The following IQCK variants were observed in gnomAD, a reference collection of about 807,000 sequenced individuals.
IQCK encodes the protein IQ motif containing K.
A neutral mutation model predicts 28.1 loss-of-function variants in IQCK; 29 were observed. That is an observed-to-expected ratio of 1.03 (90% CI 0.77 to 1.41). The LOEUF (loss-of-function observed/expected upper bound fraction) is 1.41, where lower values mean the gene tolerates loss of function less well. IQCK is among the 40% of genes most tolerant of loss of function. IQCK has a pLI of 0.00. For missense variants in IQCK, 359 were observed against 314.7 expected (o/e 1.14, Z -1.07); for synonymous variants, 113 against 115.1 (o/e 0.98, Z 0.12).
chr16:19,760,532 C>A (rs2055122448), intron 4 of IQCK, among the ~76,000 whole-genome samples: 1 of 152,174 alleles, frequency 6.6e-6, no homozygotes, highest in African/African-American at 2.4e-5. Flanking sequence ...ATCCCGTTTC[C>A]AATACAGTCA....
rs935652295 is a variant in IQCK at position 19,814,799 on chromosome 16, T to G, written c.691-12227T>G. 5.8e-3 allele frequency among the ~76,000 whole-genome samples: 876 copies of G among 150,464 alleles called. 14 individuals carry two copies. The highest frequency in any genetic ancestry group is 0.02 in the African/African-American group (817 of 40,946). On this transcript the variant is annotated intron_variant, in intron 7 of 7. Coordinates refer to ENST00000564186, the Ensembl canonical transcript of IQCK. ...AATAAAGAGGGTCTTTTTTTTTTTT[T>G]TTTTTTGAGACAGGGTCTCAGTCTG...
chr16:19,807,357 G>A (rs187648716), intron 7 of IQCK, among the ~76,000 whole-genome samples: 97 of 152,350 alleles, frequency 6.4e-4, no homozygotes, highest in African/African-American at 2.1e-3. Context: ...AACCTGCCAC[G>A]CCTGGGGGAT....
At chr16:19,748,072 CTT>C (rs61573221) in intron 4 of IQCK, among the ~76,000 whole-genome samples, 40 of 117,146 alleles carry the variant, frequency 3.4e-4, no homozygotes, top group South Asian at 8.4e-4. Context: ...GGCTCAAATT[CTT>C]TTTTTTTTTT....
intron 1 of IQCK, among the ~76,000 whole-genome samples, chr16:19,721,194 C>G (rs1435532627): frequency 6.6e-6 from 1 of 152,078 alleles, no homozygotes; most frequent in Non-Finnish European, 1.5e-5. Context: ...TTGTAGTAAT[C>G]CTATCTTTGA....
chr16:19,719,370 C>A (rs1836841388), intron 1 of IQCK, among the ~76,000 whole-genome samples: 1 of 151,922 alleles, frequency 6.6e-6, no homozygotes, highest in African/African-American at 2.4e-5. Flanking sequence ...ATTCGTGTGG[C>A]CACCATCACT....
chr16:19,824,798 C>T (rs1487503149), intron 7 of IQCK, among the ~76,000 whole-genome samples: 1 of 152,170 alleles, frequency 6.6e-6, no homozygotes, highest in Admixed American at 6.5e-5. Flanking sequence ...CTTTCTGAGC[C>T]GTTTGTTACT....
intron 1 of IQCK, among the ~76,000 whole-genome samples, chr16:19,725,811 A>C (rs1000982701): frequency 6.6e-6 from 1 of 152,240 alleles, no homozygotes; most frequent in Non-Finnish European, 1.5e-5. Flanking sequence ...CCCATACTTC[A>C]TACTTCTACA....
chr16:19,772,566 A>G (rs1001209274), intron 6 of IQCK, among the ~76,000 whole-genome samples: 5 of 151,598 alleles, frequency 3.3e-5, no homozygotes, highest in East Asian at 2.0e-4. Context: ...TACATATTCT[A>G]TGGACAGGGG....
At chr16:19,718,335 A>T (rs755840966) in exon 1 of IQCK, 3 of 1,609,806 alleles carry the variant, frequency 1.9e-6, no homozygotes, top group Admixed American at 3.4e-5. Flanking sequence ...ATCCCCAGCC[A>T]CATAGTGCGC....
At chr16:19,761,260 A>G (rs531484338) in intron 4 of IQCK, 37 of 402,148 alleles carry the variant, frequency 9.2e-5, no homozygotes, top group Middle Eastern at 8.5e-4. Context: ...AAGGGGTTAT[A>G]CTTCACCATA....
rs1439540569 is a variant in IQCK at position 19,730,504 on chromosome 16, A to G, written c.246+10A>G. On this transcript the variant is annotated intron_variant, in intron 2 of 7. Transcript: ENST00000564186. ...GGAGCCTGTGATTACGGTGAGTATT[A>G]CCTAGGCCTCAACCGAAGCAAGAAG... The G allele has an allele frequency of 1.3e-6, 2 of 1,585,340 alleles. No homozygotes were observed. Among genetic ancestry groups the G allele is most frequent in the South Asian group, 2.3e-5 (2 of 86,150 alleles).
chr16:19,758,904 A>G (rs2055091835), intron 4 of IQCK, among the ~76,000 whole-genome samples: 3 of 152,252 alleles, frequency 2.0e-5, no homozygotes, highest in South Asian at 4.1e-4. Flanking sequence ...TTGGTGAAAC[A>G]TCAATTTCAC....
intron 9 of IQCK, among the ~76,000 whole-genome samples, chr16:19,843,861 A>G (rs1476736973): frequency 6.6e-6 from 1 of 152,114 alleles, no homozygotes; most frequent in Non-Finnish European, 1.5e-5. Context: ...CCTATCTCCA[A>G]TACAGTTAGA....
intron 7 of IQCK, among the ~76,000 whole-genome samples, chr16:19,822,450 G>A (rs535347500): frequency 1.3e-5 from 2 of 149,206 alleles, no homozygotes; most frequent in East Asian, 2.0e-4. Context: ...AAAAATAAAT[G>A]TCCTATACCT....
At chr16:19,747,211 T>C (rs1210927653) in intron 4 of IQCK, among the ~76,000 whole-genome samples, 2 of 152,160 alleles carry the variant, frequency 1.3e-5, no homozygotes, top group Non-Finnish European at 2.9e-5. Flanking sequence ...CTTGGCTGGG[T>C]TCATTCATGT....
intron 4 of IQCK, among the ~76,000 whole-genome samples, chr16:19,737,925 T>G (rs2054780075): frequency 6.6e-6 from 1 of 152,198 alleles, no homozygotes; most frequent in Non-Finnish European, 1.5e-5. Flanking sequence ...ATAACTTCTC[T>G]CTGAAGCTTC....
intron 6 of IQCK, among the ~76,000 whole-genome samples, chr16:19,771,326 A>G (rs1019235967): frequency 6.6e-6 from 1 of 152,154 alleles, no homozygotes; most frequent in African/African-American, 2.4e-5. Flanking sequence ...TCCTGAGCTC[A>G]AGCAATCTGC....
At chr16:19,784,447 A>T (rs1393119430) in intron 6 of IQCK, among the ~76,000 whole-genome samples, 1 of 152,206 alleles carries the variant, frequency 6.6e-6, no homozygotes. Context: ...GTAACAACTC[A>T]TTCTTCATGT....
chr16:19,801,300 CTCTT>C (rs1273227879), intron 7 of IQCK, among the ~76,000 whole-genome samples: 18 of 80,564 alleles, frequency 2.2e-4, no homozygotes, highest in Non-Finnish European at 3.4e-4. Flanking sequence ...CTCTCTCTCT[CTCTT>C]TTTTTTTTTT....
Sources: allele counts gnomAD v4.1 joint callset (sites outside exome capture counted in the v4.1 genomes callset), GRCh38; gene constraint gnomAD v4.1.1; transcripts MANE v1.5; gene names NCBI Gene and HGNC (gene_info 2026-07-23, HGNC 2026-07-21).